PMM2: variants seen among roughly 807,000 people sequenced by gnomAD.
PMM2 encodes the protein mannose-6-phosphate isomerase.
A neutral mutation model predicts 33.2 loss-of-function variants in PMM2; 35 were observed. That is an observed-to-expected ratio of 1.06 (90% CI 0.81 to 1.40). The LOEUF (loss-of-function observed/expected upper bound fraction) is 1.40. Ranked by LOEUF, PMM2 falls within the 40% of genes most tolerant of loss-of-function variation. The pLI, the probability that PMM2 is intolerant of heterozygous loss-of-function variation, is 0.00. For synonymous variants in PMM2, 153 were observed against 114.7 expected, an observed-to-expected ratio of 1.33 and a Z score of -2.13; for missense variants, 386 against 306.0, an observed-to-expected ratio of 1.26 and a Z score of -1.95.
chr16:8,829,468 A>C (rs1338182551), intron 7 of PMM2, among the ~76,000 whole-genome samples: 2 of 152,344 alleles, frequency 1.3e-5, no homozygotes, highest in African/African-American at 4.8e-5. Context: ...ATGCTGCCCA[A>C]TGGGCTGCAT....
chr16:8,822,109 A>G (rs533562337), intron 7 of PMM2, among the ~76,000 whole-genome samples: 6 of 152,342 alleles, frequency 3.9e-5, no homozygotes, highest in African/African-American at 7.2e-5. Context: ...TTTGGGGATC[A>G]GAGTTTTTAA....
chr16:8,836,518 C>T (rs1266858777), intron 7 of PMM2, among the ~76,000 whole-genome samples: 1 of 152,008 alleles, frequency 6.6e-6, no homozygotes, highest in Non-Finnish European at 1.5e-5. Context: ...CGCCTGGCTG[C>T]TGCGGTTCAG....
chr16:8,825,429 G>A (rs981968004), intron 7 of PMM2, among the ~76,000 whole-genome samples: 1 of 150,500 alleles, frequency 6.6e-6, no homozygotes, highest in Non-Finnish European at 1.5e-5. Context: ...GGGTTCAAGC[G>A]ATTCTCCTGC....
intron 2 of PMM2, 122 bp from the exon 3 acceptor site, chr16:8,804,645 G>A (rs1368760856): frequency 1.4e-6 from 1 of 730,300 alleles, no homozygotes; most frequent in Admixed American, 2.1e-5. Flanking sequence ...TGTAAGATGA[G>A]ATAGTCTTTC....
At chr16:8,816,614 A>C (rs1296701227) in intron 7 of PMM2, among the ~76,000 whole-genome samples, 1 of 151,788 alleles carries the variant, frequency 6.6e-6, no homozygotes, top group East Asian at 2.0e-4. Flanking sequence ...GGTGGTGCAC[A>C]CCTGTCATCC....
chr16:8,845,585 T>G (rs1339651926), intron 7 of PMM2, among the ~76,000 whole-genome samples: 1 of 151,558 alleles, frequency 6.6e-6, no homozygotes, highest in Non-Finnish European at 1.5e-5. Flanking sequence ...TGGTTTTTTG[T>G]TTGTTTTTTT....
chr16:8,821,138 G>A (rs551104457), intron 7 of PMM2, among the ~76,000 whole-genome samples: 2 of 152,320 alleles, frequency 1.3e-5, no homozygotes. Flanking sequence ...AGGTCTTCTT[G>A]TGTGGCTGGT....
chr16:8,798,712 G>A (rs1367486075), intron 1 of PMM2, among the ~76,000 whole-genome samples: 1 of 152,154 alleles, frequency 6.6e-6, no homozygotes, highest in Non-Finnish European at 1.5e-5. Flanking sequence ...ATAAGTTTCA[G>A]TTACGATCAG....
chr16:8,799,370 C>G (rs1334481858), intron 1 of PMM2, among the ~76,000 whole-genome samples: 1 of 152,162 alleles, frequency 6.6e-6, no homozygotes, highest in African/African-American at 2.4e-5. Context: ...AGGAAACACA[C>G]TCAGTGAAGA....
chr16:8,844,326 T>C (rs533816767), intron 7 of PMM2, among the ~76,000 whole-genome samples: 75 of 149,558 alleles, frequency 5.0e-4, no homozygotes, highest in African/African-American at 1.6e-3. Context: ...CGTAGAGACA[T>C]GGAGGGAAGG....
rs538080888 is a variant in PMM2 at position 8,840,982 on chromosome 16, A to G, written c.640-6742A>G. 2.4e-3 allele frequency among the ~76,000 whole-genome samples: 363 copies of G among 152,164 alleles called. 3 individuals carry two copies. Among genetic ancestry groups the G allele is most frequent in the Admixed American group, 3.9e-3 (60 of 15,282 alleles). On this transcript the variant is annotated intron_variant, in intron 7 of 7. Coordinates refer to ENST00000268261, the MANE Select transcript of PMM2 (RefSeq NM_000303.3). ...GGTGTCTGGGATGAGGTTGGGGCCA[A>G]GCAAGAAAGTGCGTCCATATAAAAG...
chr16:8,821,621 T>G (rs984726840), intron 7 of PMM2, among the ~76,000 whole-genome samples: 1 of 152,190 alleles, frequency 6.6e-6, no homozygotes, highest in Non-Finnish European at 1.5e-5. Context: ...CCTCTGCCCT[T>G]GAAGGCCGGA....
rs531538665 is a variant in PMM2, at chr16:8,825,318, A to G, written c.639+12212A>G. 5.3e-5 allele frequency among the ~76,000 whole-genome samples: 8 copies of G among 151,980 alleles called. No individual in the cohort carries two copies. In the South Asian group the frequency reaches 1.5e-3, roughly 28 times the overall value. ...AGTGCTAGGATTACAGGCATGAGCC[A>G]CTGTGCCCGGCCTGTTGTAGTTTTG... On this transcript the variant is annotated intron_variant, in intron 7 of 7. Coordinates refer to ENST00000268261, the MANE Select transcript of PMM2 (RefSeq NM_000303.3).
At chr16:8,832,317 A>G (rs1596499913) in intron 7 of PMM2, 1 of 985,292 alleles carries the variant, frequency 1.0e-6, no homozygotes, top group East Asian at 1.1e-4. Flanking sequence ...CTGAGAAGCA[A>G]CCCAGAGAGG....
At chr16:8,828,751 T>A (rs1316632426) in intron 7 of PMM2, among the ~76,000 whole-genome samples, 2 of 152,212 alleles carry the variant, frequency 1.3e-5, no homozygotes, top group African/African-American at 4.8e-5. Flanking sequence ...TATGTCCACA[T>A]CCTATTCTGT....
intron 1 of PMM2, among the ~76,000 whole-genome samples, chr16:8,801,483 C>T (rs1247730845): frequency 6.6e-6 from 1 of 152,060 alleles, no homozygotes; most frequent in Admixed American, 6.6e-5. Context: ...CTGGCCTGGG[C>T]AACATGGCAA....
At chr16:8,800,222 A>C (rs543731550) in intron 1 of PMM2, among the ~76,000 whole-genome samples, 1 of 151,990 alleles carries the variant, frequency 6.6e-6, no homozygotes. Context: ...TTAGCCGAGC[A>C]TGATGGCGGG....
chr16:8,811,806 GT>G (rs1365937020), intron 6 of PMM2, 93 bp downstream of exon 6: 1 of 864,644 alleles, frequency 1.2e-6, no homozygotes, highest in African/African-American at 1.7e-5. Flanking sequence ...AGTATGTGCA[GT>G]TTTAGGTGGG....
In PMM2 at chr16:8,813,136, T is replaced by C. The variant is rs76786263; in HGVS notation, c.639+30T>C. On this transcript the variant is annotated intron_variant, in intron 7 of 7. Transcript: ENST00000268261. ...GTAGAGAAGTGTTTGTGCACCTTCA[T>C]TGTTGCATTTGCGCTTGATGGGGGA... 1.4e-3 allele frequency: 1,827 copies of C among 1,326,836 alleles called. 18 individuals carry two copies. The African/African-American group carries it at 0.023, about 17-fold the overall frequency. 82.2% of individuals were successfully genotyped at this position (1,326,836 alleles called of 1,614,324 possible).
Sources: allele counts gnomAD v4.1 joint callset (sites outside exome capture counted in the v4.1 genomes callset), GRCh38; gene constraint gnomAD v4.1.1; transcripts MANE v1.5; gene names NCBI Gene and HGNC (gene_info 2026-07-23, HGNC 2026-07-21).